ANGEL1: variants seen among roughly 807,000 people sequenced by gnomAD.
ANGEL1 encodes the protein angel homolog 1, also known as RNA 2',3'-cyclic phosphatase ANGEL1.
Under a neutral mutation model 76.4 loss-of-function variants are expected in ANGEL1, and 62 were observed. That is an observed-to-expected ratio of 0.81 (90% CI 0.66 to 1.00). The LOEUF is 1.00. Among genes scored for constraint, ANGEL1 ranks in the 50% least tolerant of loss-of-function variants. The pLI is 0.00. For synonymous variants in ANGEL1, 340 were observed against 331.7 expected (o/e 1.03, Z -0.27); for missense variants, 737 against 836.7 (o/e 0.88, Z 1.47).
At chr14:76,807,545 A>G (rs767897740) in intron 3 of ANGEL1, 43 bp from the exon 4 acceptor site, 1 of 1,594,496 alleles carries the variant, frequency 6.3e-7, no homozygotes, top group Non-Finnish European at 8.6e-7. Context: ...GAGTGCTGGA[A>G]TGTGACCCCC....
rs1223187000 is a variant in ANGEL1, at chr14:76,806,816, C to T, written c.980G>A (p.Cys327Tyr). The part of the protein sequence containing the change: ...FTCFYKRRTG[C>Y]KTDGCAVCYK... The stretch of plus-strand genomic sequence containing the variant: ...GCAGACAGCACAGCCATCGGTTTTA[C>T]ACCCAGTCCTCCTCTTGTAGAAACA... Residue 327 changes from cysteine to tyrosine, a missense_variant, in exon 5 of 10, where the codon TGT becomes TAT. Cys to Tyr is a radical substitution (Grantham distance 194). Transcript: ENST00000251089. The T allele has an allele frequency of 1.2e-6, 2 of 1,614,022 alleles. No homozygotes were observed. Among genetic ancestry groups the T allele is most frequent in the Non-Finnish European group, 1.7e-6 (2 of 1,179,974 alleles).
In ANGEL1 at chr14:76,806,561, G is replaced by T; in HGVS notation, c.1235C>A (p.Ala412Glu). Residue 412 changes from alanine (A) to glutamate (E), a missense_variant, in exon 5 of 10, where the codon GCG becomes GAG. Ala to Glu is a moderately radical substitution (Grantham distance 107, BLOSUM62 -1). Coordinates refer to ENST00000251089, the MANE Select transcript of ANGEL1 (RefSeq NM_015305.4). ...VKLAQMAILL[A>E]EVDKVARLSD... ...CAGTCTGGCCACCTTGTCCACTTCCGCCAGGAGAATGGCCATCTGGGCCAG... is the reference window on the plus strand; with the variant it reads ...CAGTCTGGCCACCTTGTCCACTTCCTCCAGGAGAATGGCCATCTGGGCCAG... The T allele has an allele frequency of 1.2e-6, 2 of 1,614,150 alleles. No homozygotes were observed. Among genetic ancestry groups the T allele is most frequent in the Non-Finnish European group, 1.7e-6 (2 of 1,180,022 alleles).
chr14:76,790,451 T>G (rs1894370485), intron 9 of ANGEL1, among the ~76,000 whole-genome samples, 160 bp downstream of exon 9: 1 of 152,132 alleles, frequency 6.6e-6, no homozygotes, highest in African/African-American at 2.4e-5. Flanking sequence ...AAGTGGCCTA[T>G]GGGGAGAATG....
In ANGEL1 at chr14:76,806,607, G is replaced by C; in HGVS notation, c.1189C>G (p.Pro397Ala). Residue 397 changes from proline to alanine, a missense_variant, in exon 5 of 10, where the codon CCA becomes GCA. Transcript: ENST00000251089. Reference sequence around the variant, plus strand: ...GCCAGCTTGACATCGCCCCGGCGTGGGTTGTAAAGGATATGGGTATTTGCC... The same window carrying C: ...GCCAGCTTGACATCGCCCCGGCGTGCGTTGTAAAGGATATGGGTATTTGCC... Reference protein sequence around the residue: ...CVANTHILYNPRRGDVKLAQM... With the variant: ...CVANTHILYNARRGDVKLAQM... 6.2e-7 allele frequency: 1 copy of C among 1,614,190 alleles called. No homozygotes were observed. The highest frequency in any genetic ancestry group is 1.7e-5 in the Admixed American group (1 of 60,034).
intron 1 of ANGEL1, chr14:76,809,972 T>G (rs994939267): frequency 2.5e-6 from 1 of 398,212 alleles, no homozygotes; most frequent in Non-Finnish European, 4.8e-6. Flanking sequence ...CATGACTTAG[T>G]TAAGACTACT....
intron 5 of ANGEL1, among the ~76,000 whole-genome samples, chr14:76,805,622 A>T (rs1433768928): frequency 6.6e-6 from 1 of 152,248 alleles, no homozygotes; most frequent in Non-Finnish European, 1.5e-5. Flanking sequence ...TGTCATCAAC[A>T]CTCAACAGTT....
intron 3 of ANGEL1, 82 bp from the exon 4 acceptor site, chr14:76,807,584 G>A: frequency 7.2e-7 from 1 of 1,396,602 alleles, no homozygotes; most frequent in Non-Finnish European, 1.0e-6. Context: ...CTGAGGCCAG[G>A]TGGGAAGCTG....
At chr14:76,790,844 G>A in intron 8 of ANGEL1, 70 bp from the exon 9 acceptor site, 1 of 1,462,522 alleles carries the variant, frequency 6.8e-7, no homozygotes, top group Non-Finnish European at 9.1e-7. Flanking sequence ...CTTTTTCTAT[G>A]GGTTTTATGA....
At chr14:76,794,643 C>G (rs1466641311) in intron 7 of ANGEL1, among the ~76,000 whole-genome samples, 1 of 146,588 alleles carries the variant, frequency 6.8e-6, no homozygotes, top group Non-Finnish European at 1.5e-5. Flanking sequence ...TGCACTCCAG[C>G]GTGGGCAACG....
intron 9 of ANGEL1, 111 bp downstream of exon 9, chr14:76,790,500 C>G: frequency 6.7e-7 from 1 of 1,497,194 alleles, no homozygotes; most frequent in Non-Finnish European, 8.9e-7. Context: ...GAAATCTGCT[C>G]CTTTGCTGGT....
At chr14:76,805,989 A>T (rs1001374539) in intron 5 of ANGEL1, among the ~76,000 whole-genome samples, 3 of 152,260 alleles carry the variant, frequency 2.0e-5, no homozygotes, top group Non-Finnish European at 4.4e-5. Flanking sequence ...TAACAAATGT[A>T]AACACTGATT....
intron 8 of ANGEL1, 51 bp from the exon 9 acceptor site, chr14:76,790,825 C>T (rs1201610322): frequency 1.3e-6 from 2 of 1,494,214 alleles, no homozygotes; most frequent in East Asian, 4.8e-5. Context: ...CTAAATTTTC[C>T]CTAGATCACT....
Position 76,788,976 on chromosome 14 carries a change from C to G in ANGEL1, c.*252G>C. The G allele has an allele frequency of 2.3e-6, 1 of 443,446 alleles. No individual in the cohort carries two copies. 27.5% of individuals were successfully genotyped at this position (443,446 alleles called of 1,614,324 possible). On this transcript the variant is annotated 3_prime_UTR_variant, in exon 10 of 10. Transcript: ENST00000251089. ...ATACATGGAAGGAAGGGGGAGCCCCCCTTCTGCCTCTCCCAGGGCCACTGA... is the reference window on the plus strand; with the variant it reads ...ATACATGGAAGGAAGGGGGAGCCCCGCTTCTGCCTCTCCCAGGGCCACTGA...
intron 3 of ANGEL1, 109 bp downstream of exon 3, chr14:76,807,813 G>T: frequency 8.1e-7 from 1 of 1,233,110 alleles, no homozygotes; most frequent in Admixed American, 2.1e-5. Flanking sequence ...GCCCTAGATA[G>T]GACTCCAATC....
intron 7 of ANGEL1, among the ~76,000 whole-genome samples, chr14:76,792,736 A>G (rs1409091945): frequency 2.0e-5 from 3 of 152,164 alleles, no homozygotes; most frequent in Non-Finnish European, 2.9e-5. Context: ...AATAGAAGAA[A>G]ACTTTCTCAA....
intron 7 of ANGEL1, 103 bp downstream of exon 7, chr14:76,803,268 T>A (rs563628749): frequency 8.8e-6 from 8 of 912,886 alleles, no homozygotes; most frequent in Non-Finnish European, 1.3e-5. Flanking sequence ...CAGAAGCTAA[T>A]CTCTAAGAAT....
Position 76,809,382 on chromosome 14 carries a change from C to T in ANGEL1, c.326G>A (p.Trp109Ter). The stretch of plus-strand genomic sequence containing the variant: ...AAGGTCACTCAGCTGCCTGCTGGAC[C>T]ACCTGTCCTCTGAAGCAGCATTCTC... ...GEENAASEDR[W>*]SSRQLSDLRA... The change falls in exon 2 of 10, where the codon TGG (tryptophan) becomes TAG (stop). Residue 109 changes from tryptophan to a stop codon, truncating the protein, a stop_gained. Coordinates refer to ENST00000251089, the MANE Select transcript of ANGEL1 (RefSeq NM_015305.4). LOFTEE classifies it high-confidence loss of function. 1 of 1,614,262 alleles carries T rather than the reference C, an allele frequency of 6.2e-7. No homozygotes were observed. Among genetic ancestry groups the T allele is most frequent in the Non-Finnish European group, 8.5e-7 (1 of 1,180,046 alleles).
intron 7 of ANGEL1, among the ~76,000 whole-genome samples, chr14:76,797,258 G>C (rs1330247971): frequency 2.0e-5 from 3 of 152,160 alleles, no homozygotes; most frequent in Non-Finnish European, 4.4e-5. Flanking sequence ...GTTAGTTGTA[G>C]GCTTGTTAAA....
chr14:76,794,964 T>A (rs1226407992), intron 7 of ANGEL1, among the ~76,000 whole-genome samples: 1 of 152,128 alleles, frequency 6.6e-6, no homozygotes, highest in Non-Finnish European at 1.5e-5. Flanking sequence ...CCTTTCCATT[T>A]TTATCCTTCT....
Sources: allele counts gnomAD v4.1 joint callset (sites outside exome capture counted in the v4.1 genomes callset), GRCh38; gene constraint gnomAD v4.1.1; transcripts MANE v1.5; gene names NCBI Gene and HGNC (gene_info 2026-07-23, HGNC 2026-07-21).